AXIN2: variants seen among roughly 807,000 people sequenced by gnomAD.
AXIN2 encodes the protein axin 2.
AXIN2 carries 21 observed loss-of-function variants against 74.7 expected under a neutral mutation model. That is an observed-to-expected ratio of 0.28 (90% CI 0.20 to 0.40). The LOEUF (loss-of-function observed/expected upper bound fraction) is 0.40. Ranked by LOEUF, AXIN2 falls within the 10% of genes least tolerant of loss-of-function variation. The pLI is 1.00. For synonymous variants in AXIN2, 532 were observed against 454.9 expected (o/e 1.17, Z -2.16); for missense variants, 1,144 against 1,111.1 (o/e 1.03, Z -0.42).
chr17:65,538,933 G>A (rs532413473), intron 4 of AXIN2, among the ~76,000 whole-genome samples: 5 of 152,082 alleles, frequency 3.3e-5, no homozygotes, highest in South Asian at 4.2e-4. Flanking sequence ...CACTGTCCTC[G>A]ATCTCCCTCG....
intron 2 of AXIN2, among the ~76,000 whole-genome samples, chr17:65,556,764 G>T (rs1055512824): frequency 1.3e-5 from 2 of 152,160 alleles, no homozygotes; most frequent in African/African-American, 2.4e-5. Flanking sequence ...GGGAAATCCA[G>T]AGGCAGCTAT....
intron 8 of AXIN2, 69 bp from the exon 9 acceptor site, chr17:65,535,790 A>G: frequency 7.0e-7 from 1 of 1,425,414 alleles, no homozygotes; most frequent in Non-Finnish European, 9.9e-7. Context: ...AAAAGCAGAC[A>G]GAAAATTACT....
chr17:65,542,059 T>C (rs1433384154), intron 3 of AXIN2, among the ~76,000 whole-genome samples: 4 of 152,218 alleles, frequency 2.6e-5, no homozygotes, highest in Non-Finnish European at 5.9e-5. Context: ...GAAGCATGCA[T>C]AACTCTCCAA....
intron 1 of AXIN2, among the ~76,000 whole-genome samples, chr17:65,559,063 C>T (rs1223856619): frequency 3.3e-5 from 5 of 152,164 alleles, no homozygotes; most frequent in Non-Finnish European, 5.9e-5. Context: ...CAAAAACCCA[C>T]TCGGCCAGGG....
chr17:65,555,599 C>T (rs1214036314), intron 2 of AXIN2, among the ~76,000 whole-genome samples: 2 of 152,124 alleles, frequency 1.3e-5, no homozygotes, highest in African/African-American at 4.8e-5. Flanking sequence ...CTACAAAAGG[C>T]TTTCATGTTT....
rs756196500 is a variant in AXIN2, at chr17:65,536,919, G to C, written c.1857C>G (p.Val619=). Reference sequence around the variant, plus strand: ...GCTCACTCTCCAGCATCCACTGCCAGACATCCTGCGACCTGTCTCCTTCCT... The same window carrying C: ...GCTCACTCTCCAGCATCCACTGCCACACATCCTGCGACCTGTCTCCTTCCT... ...PREEGDRSQD[V]WQWMLESERQ... Residue 619 remains valine, a synonymous_variant, in exon 7 of 11, where the codon GTC becomes GTG. Coordinates refer to ENST00000307078, the MANE Select transcript of AXIN2 (RefSeq NM_004655.4). 6.2e-7 allele frequency: 1 copy of C among 1,613,664 alleles called. No homozygotes were observed. The highest frequency in any genetic ancestry group is 8.5e-7 in the Non-Finnish European group (1 of 1,179,992).
Position 65,537,465 on chromosome 17 carries a change from A to C in AXIN2, c.1571T>G (p.Val524Gly), listed in dbSNP as rs1333327285. The C allele has an allele frequency of 1.9e-6, 3 of 1,613,456 alleles. No homozygotes were observed. In the African/African-American group the frequency reaches 4.0e-5, roughly 22 times the overall value. The change falls in exon 6 of 11, where the codon GTC becomes GGC. Residue 524 changes from valine to glycine, a missense_variant. This residue lies in a region of AXIN2 where 1,053 missense variants were observed against 973.5 expected (regional missense o/e 1.08). Transcript: ENST00000307078. The stretch of plus-strand genomic sequence containing the variant: ...CTCGATCTCCTCCTTGGTCTTGGGG[A>C]CGGCATGGTGGTGGATGTAGTGGTG... ...VHHHYIHHHA[V>G]PKTKEEIEAE...
rs1598099150 is a variant in AXIN2 at position 65,537,602 on chromosome 17, G to A, written c.1434C>T (p.His478=). The A allele has an allele frequency of 1.2e-6, 2 of 1,602,836 alleles. No individual in the cohort carries two copies. Among genetic ancestry groups the A allele is most frequent in the Non-Finnish European group, 1.7e-6 (2 of 1,176,438 alleles). Residue 478 remains histidine, a synonymous_variant, in exon 6 of 11, where the codon CAC becomes CAT. Coordinates refer to ENST00000307078, the MANE Select transcript of AXIN2 (RefSeq NM_004655.4). The part of the protein sequence containing the change: ...DHHHHHHSQY[H]SLLPPGGKLP... ...GCTTGCCACCGGGCGGGAGCAGGGA[G>A]TGGTACTGCGAATGGTGGTGGTGGT...
Position 65,537,661 on chromosome 17 carries a change from G to T in AXIN2, c.1375C>A (p.Arg459Ser), listed in dbSNP as rs777680532. ...TPGCQSPGVGRYSPRSRSPDH... is the reference protein window; with the variant it reads ...TPGCQSPGVGSYSPRSRSPDH... ...GGGGAGCGGGAGCGGGGGCTATAGC[G>T]GCCTACGCCTGGAGACTGGCAGCCA... Residue 459 changes from arginine (R) to serine (S), a missense_variant, in exon 6 of 11, where the codon CGC (arginine) becomes AGC (serine). This residue lies in a region of AXIN2 where 1,053 missense variants were observed against 973.5 expected (regional missense o/e 1.08). Coordinates refer to ENST00000307078, the MANE Select transcript of AXIN2 (RefSeq NM_004655.4). The T allele has an allele frequency of 6.4e-7, 1 of 1,564,160 alleles. No individual in the cohort carries two copies. The highest frequency in any genetic ancestry group is 8.6e-7 in the Non-Finnish European group (1 of 1,156,456).
chr17:65,539,187 A>C (rs1044858442), intron 4 of AXIN2, among the ~76,000 whole-genome samples: 4 of 150,804 alleles, frequency 2.7e-5, no homozygotes, highest in Non-Finnish European at 4.4e-5. Flanking sequence ...CCCCCACCCA[A>C]CCCCCCACCT....
intron 3 of AXIN2, among the ~76,000 whole-genome samples, chr17:65,545,225 T>C (rs573323278): frequency 6.6e-6 from 1 of 152,270 alleles, no homozygotes; most frequent in South Asian, 2.1e-4. Flanking sequence ...CTTTCATGAT[T>C]CCTGGCAACA....
rs554006464 is a variant in AXIN2 at position 65,540,499 on chromosome 17, T to G, written c.1059+956A>C. On this transcript the variant is annotated intron_variant, in intron 4 of 10. Coordinates refer to ENST00000307078, the MANE Select transcript of AXIN2 (RefSeq NM_004655.4). ...CAGTTTCTTTCTGATAGGGAATTTT[T>G]TTTTTGAATTCAGAAAATGCAAAGG... is the stretch of plus-strand genomic sequence containing the variant. 1.2e-4 allele frequency among the ~76,000 whole-genome samples: 18 copies of G among 152,324 alleles called. 1 individual carries two copies. Among genetic ancestry groups the G allele is most frequent in the Admixed American group, 4.6e-4 (7 of 15,308 alleles).
chr17:65,529,443 G>A lies in AXIN2; in HGVS notation c.*533C>T, dbSNP rs552478828. ...ACAGTCTGTCTTCACTTGGAGGGAC[G>A]TAGTGCAAAGCATAATTCCTCTGTT... On this transcript the variant is annotated 3_prime_UTR_variant, in exon 11 of 11. Transcript: ENST00000307078. 6.5e-5 allele frequency: 17 copies of A among 263,062 alleles called. No homozygotes were observed. Among genetic ancestry groups the A allele is most frequent in the African/African-American group, 2.8e-4 (13 of 45,846 alleles). The allele number at this position is 263,062 out of a possible 1,614,324, so 16.3% of individuals were successfully genotyped here. A position where few individuals can be genotyped will look rare whatever the true frequency, so the allele number is the denominator to read the frequency against.
intron 5 of AXIN2, 128 bp downstream of exon 5, chr17:65,538,075 C>T: frequency 6.5e-7 from 1 of 1,529,636 alleles, no homozygotes; most frequent in Non-Finnish European, 8.8e-7. Context: ...CACCCACACG[C>T]AGCCCACGCG....
In AXIN2 at chr17:65,537,350, C is replaced by T. The variant is rs969426606; in HGVS notation, c.1686G>A (p.Pro562=). ...YSKCKSHSKA[P]ETMPSEQFGG... is the part of the protein sequence containing the mutation. ...CAAACTGCTCGCTGGGCATGGTTTC[C>T]GGAGCCTTGGAGTGGCTTTTGCATT... is the stretch of plus-strand genomic sequence containing the variant. The change falls in exon 6 of 11, where the codon CCG becomes CCA. Residue 562 remains proline (P), a synonymous_variant. Transcript: ENST00000307078. 1 of 1,614,128 alleles carries T rather than the reference C, an allele frequency of 6.2e-7. No homozygotes were observed. Among genetic ancestry groups the T allele is most frequent in the African/African-American group, 1.3e-5 (1 of 75,038 alleles).
chr17:65,537,943 C>T, intron 5 of AXIN2, 108 bp from the exon 6 acceptor site: 2 of 1,439,498 alleles, frequency 1.4e-6, no homozygotes, highest in Middle Eastern at 1.8e-4. Context: ...CACCCGTGTG[C>T]ACGCCCACAG....
chr17:65,549,736 A>G (rs2044166277), intron 2 of AXIN2, 76 bp from the exon 3 acceptor site: 2 of 1,528,056 alleles, frequency 1.3e-6, no homozygotes, highest in East Asian at 4.9e-5. Flanking sequence ...CCCCAGGACA[A>G]CCCAGCACAC....
chr17:65,553,749 G>C (rs2044225468), intron 2 of AXIN2, among the ~76,000 whole-genome samples: 1 of 148,644 alleles, frequency 6.7e-6, no homozygotes, highest in Admixed American at 6.8e-5. Flanking sequence ...GAGAGGCAGA[G>C]ACTCGGTATT....
intron 6 of AXIN2, 40 bp downstream of exon 6, chr17:65,537,284 C>T: frequency 6.2e-7 from 1 of 1,612,802 alleles, no homozygotes; most frequent in African/African-American, 1.3e-5. Context: ...GGCTGGGAGA[C>T]AAGCCCCACA....
Sources: allele counts gnomAD v4.1 joint callset (sites outside exome capture counted in the v4.1 genomes callset), GRCh38; gene constraint gnomAD v4.1.1; regional missense constraint gnomAD v4.1.1; transcripts MANE v1.5; gene names NCBI Gene and HGNC (gene_info 2026-07-23, HGNC 2026-07-21).